The following OPCML variants were observed in gnomAD, a reference collection of about 807,000 sequenced individuals.
OPCML encodes the protein opioid-binding protein/cell adhesion molecule.
In OPCML, 13 loss-of-function variants were observed where a neutral mutation model predicts 37.8. The ratio of observed to expected loss-of-function variants is 0.34; its 90% CI spans 0.22 to 0.55. The LOEUF (loss-of-function observed/expected upper bound fraction) is 0.55, where lower values mean the gene tolerates loss of function less well. Ranked by LOEUF, OPCML falls within the 20% of genes least tolerant of loss-of-function variation. OPCML has a pLI of 0.91. For synonymous variants in OPCML, 176 were observed against 168.8 expected, an observed-to-expected ratio of 1.04 and a Z score of -0.33; for missense variants, 341 against 435.6, an observed-to-expected ratio of 0.78 and a Z score of 1.93.
intron 4 of OPCML, among the ~76,000 whole-genome samples, chr11:132,458,292 G>T (rs991908135): frequency 4.6e-5 from 7 of 152,164 alleles, no homozygotes; most frequent in Admixed American, 2.6e-4. Context: ...AAGATAAGTT[G>T]CATAAATCTG....
chr11:133,530,673 C>T (rs1350987497), intron 1 of OPCML, among the ~76,000 whole-genome samples: 4 of 152,242 alleles, frequency 2.6e-5, no homozygotes, highest in Non-Finnish European at 5.9e-5. Context: ...ATAACAACAA[C>T]AGCAACCCCC....
At chr11:133,296,828 A>T (rs1942643545) in intron 1 of OPCML, among the ~76,000 whole-genome samples, 1 of 152,348 alleles carries the variant, frequency 6.6e-6, no homozygotes, top group Non-Finnish European at 1.5e-5. Flanking sequence ...GTTTGGTTGA[A>T]GTTCACTTTT....
At chr11:133,227,193 C>T (rs1489002408) in intron 1 of OPCML, among the ~76,000 whole-genome samples, 3 of 152,170 alleles carry the variant, frequency 2.0e-5, no homozygotes, top group East Asian at 1.9e-4. Context: ...GAGGATGGCG[C>T]CTGTGCCCCA....
At chr11:132,691,500 CA>C (rs1488831447) in intron 2 of OPCML, among the ~76,000 whole-genome samples, 2 of 152,192 alleles carry the variant, frequency 1.3e-5, no homozygotes, top group Non-Finnish European at 2.9e-5. Flanking sequence ...GTAGCCTCTG[CA>C]GTGTCATAGG....
At position 133,173,708 on chromosome 11, in the gene OPCML, C is replaced by T. The variant is rs561350844; in HGVS notation, c.62-230698G>A. The stretch of plus-strand genomic sequence containing the variant: ...ACGAGAACCATCAGCACCGACTTAG[C>T]TTCAATCCTGTGGCAGTTTAAGAAT... On this transcript the variant is annotated intron_variant, in intron 1 of 7. Transcript: ENST00000524381. This position sits in a 1 kb window ranked among gnomAD's most constrained non-coding sequence, Gnocchi z 7.8. 2.6e-5 allele frequency among the ~76,000 whole-genome samples: 4 copies of T among 152,330 alleles called. No homozygotes were observed. The highest frequency in any genetic ancestry group is 9.6e-5 in the African/African-American group (4 of 41,568).
chr11:133,294,020 C>A (rs1942558398), intron 1 of OPCML, among the ~76,000 whole-genome samples: 1 of 151,824 alleles, frequency 6.6e-6, no homozygotes, highest in Non-Finnish European at 1.5e-5. Flanking sequence ...ACAGCTGGAT[C>A]TTCTGTGTGA....
intron 2 of OPCML, among the ~76,000 whole-genome samples, chr11:132,854,694 C>A (rs779438946): frequency 1.3e-5 from 2 of 152,192 alleles, no homozygotes; most frequent in Non-Finnish European, 2.9e-5. Context: ...TTCCATAATG[C>A]GGATATGCCG....
intron 2 of OPCML, among the ~76,000 whole-genome samples, chr11:132,942,696 T>C (rs1945620965): frequency 6.6e-6 from 1 of 152,236 alleles, no homozygotes; most frequent in South Asian, 2.1e-4. Flanking sequence ...GTCCCACACG[T>C]GGACTTCAAG....
At chr11:132,451,467 A>C (rs78453902) in intron 4 of OPCML, among the ~76,000 whole-genome samples, 4,439 of 152,302 alleles carry the variant, frequency 0.029, 199 homozygotes, top group East Asian at 0.17. Flanking sequence ...GCCTGGGATC[A>C]GTCCTTTATG....
At chr11:132,737,511 T>G (rs1327548963) in intron 2 of OPCML, among the ~76,000 whole-genome samples, 1 of 152,208 alleles carries the variant, frequency 6.6e-6, no homozygotes, top group African/African-American at 2.4e-5. Context: ...ATCCTAACAA[T>G]TATTCTACTA....
rs571402958 is a variant in OPCML, at chr11:133,459,076, C to A, written c.61+73188G>T. ...AAGATGTAATTTGTGACCTTGGCAA[C>A]ATAAAGTGTTTGGGGAGGAGGAGCT... is the stretch of plus-strand genomic sequence containing the variant. On this transcript the variant is annotated intron_variant, in intron 1 of 7. Coordinates refer to ENST00000524381, the MANE Select transcript of OPCML (RefSeq NM_001012393.5). Among the ~76,000 whole-genome samples, 5 of 152,050 alleles carry A rather than the reference C, an allele frequency of 3.3e-5. No homozygotes were observed. In the East Asian group the frequency reaches 9.7e-4, roughly 29 times the overall value.
At chr11:132,628,855 C>T (rs1939907575) in intron 3 of OPCML, among the ~76,000 whole-genome samples, 1 of 152,118 alleles carries the variant, frequency 6.6e-6, no homozygotes, top group South Asian at 2.1e-4. Context: ...TTGCTTGGCA[C>T]TTCTTGCTGC....
At chr11:133,329,824 T>C (rs1479753158) in intron 1 of OPCML, among the ~76,000 whole-genome samples, 13 of 152,012 alleles carry the variant, frequency 8.6e-5, no homozygotes, top group Non-Finnish European at 1.6e-4. Flanking sequence ...CAACAAAAGC[T>C]AAAATTGACA....
chr11:132,650,394 T>C (rs1941370242), intron 3 of OPCML, among the ~76,000 whole-genome samples: 1 of 152,128 alleles, frequency 6.6e-6, no homozygotes, highest in Admixed American at 6.5e-5. Context: ...CACTGACAAG[T>C]TGTCACACAG....
intron 1 of OPCML, among the ~76,000 whole-genome samples, chr11:133,438,126 T>C (rs1946282835): frequency 6.6e-6 from 1 of 152,212 alleles, no homozygotes; most frequent in African/African-American, 2.4e-5. Context: ...AAAATAACCA[T>C]CTGGAACTAA....
At chr11:133,191,690 C>T (rs1938328327) in intron 1 of OPCML, among the ~76,000 whole-genome samples, 1 of 152,102 alleles carries the variant, frequency 6.6e-6, no homozygotes, top group Non-Finnish European at 1.5e-5. Flanking sequence ...GAAGGGGTTT[C>T]ACCATGTTGG....
At chr11:132,501,714 A>C (rs2096246068) in intron 4 of OPCML, among the ~76,000 whole-genome samples, 1 of 152,216 alleles carries the variant, frequency 6.6e-6, no homozygotes. Context: ...TTTCTCCATC[A>C]ACATAGAATT....
chr11:133,140,376 G>A (rs1411244870), intron 1 of OPCML, among the ~76,000 whole-genome samples: 3 of 148,700 alleles, frequency 2.0e-5, no homozygotes, highest in Admixed American at 6.7e-5. Flanking sequence ...TTAGCAGGGT[G>A]TGGCAGCGGG....
At chr11:132,480,511 A>T (rs2096175811) in intron 4 of OPCML, among the ~76,000 whole-genome samples, 1 of 152,202 alleles carries the variant, frequency 6.6e-6, no homozygotes, top group Non-Finnish European at 1.5e-5. Context: ...TTCAGGAAAT[A>T]CAGAGAACAC....
Sources: gnomAD v4.1 joint callset for allele counts (sites outside exome capture counted in the v4.1 genomes callset) on GRCh38, gnomAD v4.1.1 for gene constraint, Gnocchi (gnomAD v3.1) non-coding constraint, MANE v1.5 for transcripts, NCBI Gene and HGNC (gene_info 2026-07-23, HGNC 2026-07-21) for gene names.